Variants in COG5 observed in about 807,000 individuals in gnomAD.
The protein encoded by COG5 is component of oligomeric golgi complex 5.
In COG5, 86 loss-of-function variants were observed where a neutral mutation model predicts 110.4. The observed-to-expected ratio is 0.78, with a 90% CI of 0.65 to 0.93. The LOEUF is 0.93. Ranked by LOEUF, COG5 falls within the 40% of genes least tolerant of loss-of-function variation. COG5 has a pLI of 0.00. For synonymous variants in COG5, 360 were observed against 334.6 expected (o/e 1.08, Z -0.83); for missense variants, 1,077 against 987.0 (o/e 1.09, Z -1.22).
At chr7:107,281,163 G>A (rs1805134336) in intron 14 of COG5, 137 bp downstream of exon 14, 1 of 680,868 alleles carries the variant, frequency 1.5e-6, no homozygotes, top group East Asian at 2.8e-5. Flanking sequence ...AAATTCATCA[G>A]GAAGTTACAA....
chr7:107,409,344 A>G (rs1792104238), intron 7 of COG5, among the ~76,000 whole-genome samples: 1 of 150,726 alleles, frequency 6.6e-6, no homozygotes, highest in African/African-American at 2.5e-5. Context: ...AAAGAAAAAA[A>G]AAGTCCTTTG....
At chr7:107,318,465 A>G (rs551419633) in intron 11 of COG5, among the ~76,000 whole-genome samples, 2 of 152,370 alleles carry the variant, frequency 1.3e-5, no homozygotes, top group South Asian at 2.1e-4. Context: ...AGAGTGATAA[A>G]GCACATTTTA....
In COG5 at chr7:107,258,333, T is replaced by C. The variant is rs1212356582; in HGVS notation, c.1626A>G (p.Gly542=). 1 of 1,613,442 alleles carries C rather than the reference T, an allele frequency of 6.2e-7. No homozygotes were observed. Residue 542 remains glycine, a synonymous_variant, in exon 15 of 22, where the codon GGA becomes GGG. Coordinates refer to ENST00000297135, the MANE Select transcript of COG5 (RefSeq NM_006348.5). ...TCACTACTGCCACATTTCTTCTCTG[T>C]CCTTCAGTAAGAGGCCCAATCACCT... is the stretch of plus-strand genomic sequence containing the variant. ...ASQVIGPLTE[G]QRRNVAVVNS...
At chr7:107,435,947 A>G (rs1237446539) in intron 6 of COG5, among the ~76,000 whole-genome samples, 1 of 152,230 alleles carries the variant, frequency 6.6e-6, no homozygotes, top group African/African-American at 2.4e-5. Flanking sequence ...TACACAATGG[A>G]ATACTATTCT....
intron 6 of COG5, among the ~76,000 whole-genome samples, chr7:107,514,357 CACACACACACACAT>C (rs1162679906): frequency 6.5e-5 from 9 of 139,278 alleles, no homozygotes; most frequent in African/African-American, 2.5e-4. Context: ...CACACACACA[CACACACACACACAT>C]ATTTTATATT....
At chr7:107,384,643 T>C (rs1009999003) in intron 7 of COG5, among the ~76,000 whole-genome samples, 1 of 152,066 alleles carries the variant, frequency 6.6e-6, no homozygotes, top group Non-Finnish European at 1.5e-5. Flanking sequence ...CCTGCAACAA[T>C]GTCATGACAA....
At chr7:107,454,897 G>A (rs890591646) in intron 6 of COG5, among the ~76,000 whole-genome samples, 12 of 151,978 alleles carry the variant, frequency 7.9e-5, no homozygotes, top group Admixed American at 1.3e-4. Context: ...CTTCCCCATC[G>A]CAGAAGATTT....
intron 6 of COG5, among the ~76,000 whole-genome samples, chr7:107,462,405 A>G (rs920809909): frequency 1.3e-5 from 2 of 152,146 alleles, no homozygotes; most frequent in African/African-American, 4.8e-5. Context: ...GAAAGGCCTG[A>G]CAAAGCATTT....
chr7:107,298,116 T>G (rs1452529081), intron 12 of COG5, 26 bp downstream of exon 12: 12 of 1,253,330 alleles, frequency 9.6e-6, no homozygotes, highest in Non-Finnish European at 1.3e-5. Context: ...AGATGCCAAC[T>G]AACAGGTCAA....
At chr7:107,327,339 C>A (rs1453940485) in intron 10 of COG5, among the ~76,000 whole-genome samples, 4 of 151,854 alleles carry the variant, frequency 2.6e-5, no homozygotes, top group African/African-American at 9.7e-5. Flanking sequence ...AATTATAACT[C>A]CTAGAAAAAA....
chr7:107,262,539 C>G lies in COG5; in HGVS notation c.1576-4156G>C, dbSNP rs115189811. Among the ~76,000 whole-genome samples, 1,313 of 152,156 alleles carry G rather than the reference C, an allele frequency of 8.6e-3. 26 individuals carry two copies. Among genetic ancestry groups the G allele is most frequent in the African/African-American group, 0.028 (1,149 of 41,506 alleles). On this transcript the variant is annotated intron_variant, in intron 14 of 21. Transcript: ENST00000297135. ...AGTCCTGGGTGAAACCAAGTCAATG[C>G]CTGAGTGTGAGAAGCTGAATGAGCT...
chr7:107,205,806 G>T (rs1182194462), intron 21 of COG5, among the ~76,000 whole-genome samples: 1 of 152,040 alleles, frequency 6.6e-6, no homozygotes, highest in African/African-American at 2.4e-5. Flanking sequence ...TTTGTGAAAC[G>T]ATCTCACCTC....
chr7:107,388,800 C>T (rs1287253065), intron 7 of COG5, among the ~76,000 whole-genome samples: 1 of 152,096 alleles, frequency 6.6e-6, no homozygotes, highest in Non-Finnish European at 1.5e-5. Context: ...TCCAGCATGG[C>T]GCATCAAACC....
At chr7:107,332,153 C>T (rs1411977905) in intron 10 of COG5, among the ~76,000 whole-genome samples, 1 of 151,884 alleles carries the variant, frequency 6.6e-6, no homozygotes, top group Non-Finnish European at 1.5e-5. Context: ...TGGCCACTGA[C>T]TGCTTTTCAG....
intron 14 of COG5, among the ~76,000 whole-genome samples, chr7:107,263,887 A>G (rs950387435): frequency 1.4e-4 from 21 of 152,174 alleles, no homozygotes; most frequent in Non-Finnish European, 2.6e-4. Flanking sequence ...AAATCTCCCT[A>G]ATCATCATGC....
At chr7:107,361,462 C>T (rs1291498466) in intron 10 of COG5, among the ~76,000 whole-genome samples, 2 of 152,084 alleles carry the variant, frequency 1.3e-5, no homozygotes, top group East Asian at 3.8e-4. Context: ...ATTTATATGA[C>T]AGAAAATGAG....
chr7:107,503,421 A>G (rs11535285), intron 6 of COG5, among the ~76,000 whole-genome samples: 28,690 of 151,940 alleles, frequency 0.19, 3,217 homozygotes, highest in East Asian at 0.33. Context: ...AGTATAACTA[A>G]GAGTCCAGTA....
chr7:107,236,681 T>C lies in COG5; in HGVS notation c.1860A>G (p.Leu620=), dbSNP rs1434553762. 2 of 1,611,482 alleles carry C rather than the reference T, an allele frequency of 1.2e-6. No individual in the cohort carries two copies. The highest frequency in any genetic ancestry group is 3.3e-5 in the Admixed American group (2 of 60,012). ...GAACATCAGGTTTTCCTGAGCTGGA[T>C]AATGACCTGTAAAAGAAAAAGCAGC... ...TMHQEDFSGS[L]SSSGKPDVPC... The change falls in exon 18 of 22, where the codon TTA becomes TTG. Residue 620 remains leucine (L), a synonymous_variant. Transcript: ENST00000297135.
In COG5 at chr7:107,330,613, C is replaced by T. The variant is rs116291260; in HGVS notation, c.1027-6092G>A. 1.9e-3 allele frequency among the ~76,000 whole-genome samples: 292 copies of T among 152,240 alleles called. 1 individual carries two copies. Among genetic ancestry groups the T allele is most frequent in the African/African-American group, 6.9e-3 (286 of 41,550 alleles). ...ATTGAATAAGGTCCAAATTTTCATGCTAACTTTATTGTGCTGAGTATAGTG... is the reference window on the plus strand; with the variant it reads ...ATTGAATAAGGTCCAAATTTTCATGTTAACTTTATTGTGCTGAGTATAGTG... On this transcript the variant is annotated intron_variant, in intron 10 of 21. Transcript: ENST00000297135.
Sources: gnomAD v4.1 joint callset for allele counts (sites outside exome capture counted in the v4.1 genomes callset) on GRCh38, gnomAD v4.1.1 for gene constraint, MANE v1.5 for transcripts, NCBI Gene and HGNC (gene_info 2026-07-23, HGNC 2026-07-21) for gene names.